TJP1: variants seen among roughly 807,000 people sequenced by gnomAD.
TJP1 encodes the protein tight junction protein 1, also known as tight junction protein ZO-1.
A neutral mutation model predicts 194.2 loss-of-function variants in TJP1; 43 were observed. The observed-to-expected ratio is 0.22, with a 90% CI of 0.17 to 0.29. The LOEUF is 0.29. Ranked by LOEUF, TJP1 falls within the 10% of genes least tolerant of loss-of-function variation. The pLI is 1.00. For synonymous variants in TJP1, 801 were observed against 779.0 expected (o/e 1.03, Z -0.47); for missense variants, 1,971 against 2,185.7 (o/e 0.90, Z 1.96).
intron 2 of TJP1, among the ~76,000 whole-genome samples, chr15:29,943,497 G>A (rs370431033): frequency 1.2e-3 from 177 of 151,760 alleles, no homozygotes; most frequent in African/African-American, 3.7e-3. Context: ...GCATGGTGGC[G>A]TGCGCCTGTA....
At chr15:29,846,259 G>C (rs923128407) in intron 2 of TJP1, among the ~76,000 whole-genome samples, 1 of 152,022 alleles carries the variant, frequency 6.6e-6, no homozygotes, top group African/African-American at 2.4e-5. Flanking sequence ...TCCCAGGCTT[G>C]TCCAATGTCT....
Position 29,726,528 on chromosome 15 carries a change from G to A in TJP1, c.2312-49C>T. The A allele has an allele frequency of 3.2e-6, 5 of 1,554,108 alleles. 1 individual carries two copies. The Middle Eastern group carries it at 5.0e-4, about 157-fold the overall frequency. On this transcript the variant is annotated intron_variant, in intron 17 of 27. Coordinates refer to ENST00000614355, the MANE Select transcript of TJP1 (RefSeq NM_001330239.4). ...TTTTATGGTTAGAGCACTGCCAAAA[G>A]TCAGAATTAATTCAACCCTGCTTAC...
intron 1 of TJP1, among the ~76,000 whole-genome samples, chr15:29,964,923 C>A (rs1183628786): frequency 2.0e-5 from 3 of 152,170 alleles, no homozygotes; most frequent in Admixed American, 1.3e-4. Context: ...TTAGTTTCCA[C>A]CTAAGTTGGT....
intron 1 of TJP1, among the ~76,000 whole-genome samples, chr15:29,807,352 C>T (rs1595967366): frequency 6.6e-6 from 1 of 152,178 alleles, no homozygotes; most frequent in Admixed American, 6.5e-5. Context: ...GAGAAAATCT[C>T]AGTAGGGACA....
chr15:29,826,431 A>G (rs952673508), upstream of TJP1, among the ~76,000 whole-genome samples: 11 of 152,128 alleles, frequency 7.2e-5, no homozygotes, highest in African/African-American at 2.7e-4. Context: ...ACTCTGATCT[A>G]CACTTTCCTA....
At chr15:29,913,389 A>G (rs1036678848) in intron 2 of TJP1, among the ~76,000 whole-genome samples, 2 of 152,188 alleles carry the variant, frequency 1.3e-5, no homozygotes, top group Non-Finnish European at 2.9e-5. Flanking sequence ...AGAATGACCT[A>G]CAAGGGTTTC....
chr15:29,716,210 A>G (rs2042551655), intron 23 of TJP1, among the ~76,000 whole-genome samples: 1 of 151,930 alleles, frequency 6.6e-6, no homozygotes, highest in Admixed American at 6.6e-5. Flanking sequence ...AAAACAAAAA[A>G]CCTCTTCAGT....
At chr15:29,740,622 A>G (rs1165200269) in intron 10 of TJP1, among the ~76,000 whole-genome samples, 1 of 151,818 alleles carries the variant, frequency 6.6e-6, no homozygotes, top group Non-Finnish European at 1.5e-5. Flanking sequence ...ACAGAGCAAG[A>G]CCCTGTTTAA....
chr15:29,914,856 A>G (rs1229165971), intron 2 of TJP1, among the ~76,000 whole-genome samples: 4 of 138,332 alleles, frequency 2.9e-5, no homozygotes, highest in Admixed American at 7.1e-5. Context: ...CCTGCAACAC[A>G]CACACATACA....
At chr15:29,946,036 A>C (rs1009826634) in intron 2 of TJP1, among the ~76,000 whole-genome samples, 4 of 152,290 alleles carry the variant, frequency 2.6e-5, no homozygotes, top group African/African-American at 9.6e-5. Context: ...ACAAAAGTAT[A>C]AACTAAACCT....
chr15:29,858,890 G>T (rs766168676), intron 2 of TJP1, among the ~76,000 whole-genome samples: 8 of 150,276 alleles, frequency 5.3e-5, no homozygotes, highest in Non-Finnish European at 8.9e-5. Flanking sequence ...TTTTTGTTTT[G>T]CCATGTTGCC....
intron 2 of TJP1, among the ~76,000 whole-genome samples, chr15:29,877,031 T>G (rs548718183): frequency 6.6e-6 from 1 of 152,356 alleles, no homozygotes; most frequent in South Asian, 2.1e-4. Context: ...GTCAAAATTT[T>G]CTGTGTAACA....
chr15:29,717,954 T>C (rs2042668109), intron 22 of TJP1, 67 bp downstream of exon 22: 1 of 1,379,006 alleles, frequency 7.3e-7, no homozygotes, highest in Non-Finnish European at 1.0e-6. Context: ...TAAAAGGTTT[T>C]CTTATTGACT....
chr15:29,823,206 T>G (rs993433724), upstream of TJP1: 1 of 152,246 alleles, frequency 6.6e-6, no homozygotes, highest in African/African-American at 2.4e-5. Flanking sequence ...CTGAAATTCT[T>G]GTTGACCGAA....
rs138051189 is a variant in TJP1 at position 29,926,519 on chromosome 15, G to A, written c.306+29713C>T. On this transcript the variant is annotated intron_variant, in intron 2 of 28. Transcript: ENST00000356107. ...CTCAGCTACTCGGGAGGCTGAGGCA[G>A]GAGAATTGCTTGAACCCGGGAGGTG... is the stretch of plus-strand genomic sequence containing the variant. 2.2e-3 allele frequency among the ~76,000 whole-genome samples: 342 copies of A among 152,076 alleles called. 2 individuals are homozygous for A. In the Middle Eastern group the frequency reaches 0.024, roughly 11 times the overall value.
At chr15:29,875,631 A>T (rs1388320658) in intron 2 of TJP1, among the ~76,000 whole-genome samples, 1 of 152,088 alleles carries the variant, frequency 6.6e-6, no homozygotes, top group Non-Finnish European at 1.5e-5. Flanking sequence ...CAGTAGCATG[A>T]TCTCGACTCA....
chr15:29,819,123 A>T (rs114794021), intron 1 of TJP1, among the ~76,000 whole-genome samples: 3,834 of 152,246 alleles, frequency 0.025, 59 homozygotes, highest in South Asian at 0.053. Context: ...AGGTACATAC[A>T]TATTTTTAAG....
intron 27 of TJP1, among the ~76,000 whole-genome samples, chr15:29,702,669 G>A (rs1351668870): frequency 6.6e-6 from 1 of 152,126 alleles, no homozygotes; most frequent in Non-Finnish European, 1.5e-5. Context: ...TGAGAACTTT[G>A]CTTACAGTAC....
chr15:29,898,581 A>T (rs1177976655), intron 2 of TJP1, among the ~76,000 whole-genome samples: 1 of 152,222 alleles, frequency 6.6e-6, no homozygotes, highest in Non-Finnish European at 1.5e-5. Flanking sequence ...AGACAAATGA[A>T]CACAACATGG....
Sources: allele counts gnomAD v4.1 joint callset (sites outside exome capture counted in the v4.1 genomes callset), GRCh38; gene constraint gnomAD v4.1.1; transcripts MANE v1.5; gene names NCBI Gene and HGNC (gene_info 2026-07-23, HGNC 2026-07-21).